The following SWT1 variants were observed in gnomAD, a reference collection of about 807,000 sequenced individuals.
SWT1 encodes the protein SWT1 RNA endoribonuclease homolog.
Under a neutral mutation model 107.3 loss-of-function variants are expected in SWT1, and 33 were observed. That is an observed-to-expected ratio of 0.31 (90% CI 0.23 to 0.41). The LOEUF (loss-of-function observed/expected upper bound fraction) is 0.41, where lower values mean the gene tolerates loss of function less well. Among genes scored for constraint, SWT1 ranks in the 10% least tolerant of loss-of-function variants. The pLI, the probability that SWT1 is intolerant of heterozygous loss-of-function variation, is 1.00. For synonymous variants in SWT1, 345 were observed against 348.3 expected (o/e 0.99, Z 0.11); for missense variants, 898 against 1,028.9 (o/e 0.87, Z 1.74).
intron 15 of SWT1, chr1:185,227,343 T>C: frequency 1.4e-6 from 1 of 730,294 alleles, no homozygotes; most frequent in South Asian, 1.4e-5. Context: ...TTGGCTTTCA[T>C]AGATCTTGTC....
chr1:185,260,643 G>T (rs903470373), intron 16 of SWT1, among the ~76,000 whole-genome samples: 1 of 152,100 alleles, frequency 6.6e-6, no homozygotes, highest in Non-Finnish European at 1.5e-5. Flanking sequence ...TGACTTGGAG[G>T]TAAGGAAGTA....
chr1:185,171,709 A>C (rs768712848), intron 4 of SWT1: 2 of 480,254 alleles, frequency 4.2e-6, no homozygotes, highest in Non-Finnish European at 8.2e-6. Flanking sequence ...CATGGATGCC[A>C]TGGTGGCAGT....
intron 10 of SWT1, among the ~76,000 whole-genome samples, chr1:185,191,372 A>G (rs1318378467): frequency 6.6e-6 from 1 of 152,122 alleles, no homozygotes; most frequent in Non-Finnish European, 1.5e-5. Flanking sequence ...CAGAAGAGCA[A>G]TTTTAATTTG....
intron 16 of SWT1, among the ~76,000 whole-genome samples, chr1:185,243,929 C>A (rs909040689): frequency 6.6e-6 from 1 of 151,874 alleles, no homozygotes; most frequent in African/African-American, 2.4e-5. Flanking sequence ...TTTATTTAAA[C>A]CTTATTGATA....
At chr1:185,278,616 G>A (rs773115067) in intron 18 of SWT1, among the ~76,000 whole-genome samples, 1 of 152,142 alleles carries the variant, frequency 6.6e-6, no homozygotes, top group Non-Finnish European at 1.5e-5. Flanking sequence ...CATCAGGATT[G>A]ATCCATGTTG....
At chr1:185,286,513 C>T (rs538838191) in intron 18 of SWT1, among the ~76,000 whole-genome samples, 11 of 152,138 alleles carry the variant, frequency 7.2e-5, no homozygotes, top group East Asian at 3.9e-4. Context: ...CATGAGCCAC[C>T]GCATATGGGC....
intron 16 of SWT1, among the ~76,000 whole-genome samples, chr1:185,269,753 C>T (rs1177833907): frequency 6.6e-6 from 1 of 152,114 alleles, no homozygotes; most frequent in Non-Finnish European, 1.5e-5. Context: ...TATTTTATAG[C>T]TTGAAACTAC....
chr1:185,160,707 A>T (rs1654068328), intron 1 of SWT1, 126 bp from the exon 2 acceptor site: 3 of 681,160 alleles, frequency 4.4e-6, no homozygotes, highest in Non-Finnish European at 7.1e-6. Context: ...ATCTCAAAAA[A>T]AAATAAAATA....
intron 15 of SWT1, chr1:185,227,314 C>A: frequency 2.7e-6 from 2 of 740,198 alleles, no homozygotes; most frequent in Non-Finnish European, 5.0e-6. Flanking sequence ...ACATTGTATT[C>A]ATTGCCAGTC....
At chr1:185,171,785 C>T in intron 4 of SWT1, 1 of 377,706 alleles carries the variant, frequency 2.6e-6, no homozygotes, top group South Asian at 2.1e-5. Context: ...AGTCTCGGCT[C>T]ACTGCAGCCT....
At position 185,202,640 on chromosome 1, in the gene SWT1, C is replaced by A; in HGVS notation, c.1524-14C>A. On this transcript the variant is annotated splice_polypyrimidine_tract_variant and intron_variant, in intron 10 of 18. Transcript: ENST00000367500. ...AAATATTTTTTCCTCCTAATCCCAACCTCCCAACCTTAGGGATGATAGAAA... is the reference window on the plus strand; with the variant it reads ...AAATATTTTTTCCTCCTAATCCCAAACTCCCAACCTTAGGGATGATAGAAA... 1.3e-6 allele frequency: 2 copies of A among 1,599,260 alleles called. No individual in the cohort carries two copies. Among genetic ancestry groups the A allele is most frequent in the East Asian group, 2.3e-5 (1 of 43,986 alleles).
At chr1:185,237,974 G>A (rs1215991858) in intron 16 of SWT1, among the ~76,000 whole-genome samples, 2 of 151,794 alleles carry the variant, frequency 1.3e-5, no homozygotes, top group Non-Finnish European at 2.9e-5. Flanking sequence ...CTACCTTTTA[G>A]CATGTGACCT....
At position 185,201,101 on chromosome 1, in the gene SWT1, C is replaced by G. The variant is rs181750014; in HGVS notation, c.1524-1553C>G. Among the ~76,000 whole-genome samples, 54 of 152,218 alleles carry G rather than the reference C, an allele frequency of 3.5e-4. No individual in the cohort carries two copies. The East Asian group carries it at 5.0e-3, about 14-fold the overall frequency. ...TCAGTAATGGCGGATGCCCCTCCCC[C>G]CACCAAATTCCAGCATCCTAGGTTG... On this transcript the variant is annotated intron_variant, in intron 10 of 18. Transcript: ENST00000367500.
At chr1:185,234,288 T>G (rs1660708512) in intron 16 of SWT1, among the ~76,000 whole-genome samples, 1 of 152,208 alleles carries the variant, frequency 6.6e-6, no homozygotes, top group African/African-American at 2.4e-5. Flanking sequence ...GCTTTATGAA[T>G]CTGGGTACTC....
At chr1:185,173,477 T>C (rs1655266274) in intron 4 of SWT1, among the ~76,000 whole-genome samples, 1 of 150,510 alleles carries the variant, frequency 6.6e-6, no homozygotes, top group Admixed American at 6.6e-5. Flanking sequence ...GGCAGATTGC[T>C]TGAGCCCAGG....
chr1:185,211,949 C>T (rs1476341257), intron 13 of SWT1, among the ~76,000 whole-genome samples: 4 of 151,878 alleles, frequency 2.6e-5, no homozygotes, highest in South Asian at 4.2e-4. Context: ...AGCAAACTAT[C>T]GCAAGGACAA....
chr1:185,190,670 A>G (rs1656873677), intron 10 of SWT1, 28 bp downstream of exon 10: 1 of 1,355,778 alleles, frequency 7.4e-7, no homozygotes, highest in Admixed American at 1.9e-5. Context: ...TTGACTTTTT[A>G]TTTTTAAAAA....
chr1:185,261,319 G>A (rs1389937935), intron 16 of SWT1, among the ~76,000 whole-genome samples: 4 of 151,988 alleles, frequency 2.6e-5, no homozygotes, highest in Non-Finnish European at 5.9e-5. Flanking sequence ...CATCTATGTT[G>A]TGGCATGTGT....
chr1:185,186,543 A>C (rs947386465), intron 9 of SWT1, among the ~76,000 whole-genome samples: 1 of 152,166 alleles, frequency 6.6e-6, no homozygotes, highest in African/African-American at 2.4e-5. Flanking sequence ...ATACATTGCT[A>C]TAGCCACAGG....
Sources: allele counts gnomAD v4.1 joint callset (sites outside exome capture counted in the v4.1 genomes callset), GRCh38; gene constraint gnomAD v4.1.1; transcripts MANE v1.5; gene names NCBI Gene and HGNC (gene_info 2026-07-23, HGNC 2026-07-21).